CLEC16A: variants seen among roughly 807,000 people sequenced by gnomAD.
CLEC16A encodes the protein C-type lectin domain containing 16A.
A neutral mutation model predicts 109.5 loss-of-function variants in CLEC16A; 51 were observed. The ratio of observed to expected loss-of-function variants is 0.47; its 90% CI spans 0.37 to 0.59. The LOEUF is 0.59. Among genes scored for constraint, CLEC16A ranks in the 20% least tolerant of loss-of-function variants. CLEC16A has a pLI of 0.00. For missense variants in CLEC16A, 1,339 were observed against 1,394.0 expected (o/e 0.96, Z 0.63); for synonymous variants, 673 against 564.2 (o/e 1.19, Z -2.73).
At chr16:11,051,411 C>T in intron 17 of CLEC16A, 102 bp from the exon 18 acceptor site, 1 of 1,189,956 alleles carries the variant, frequency 8.4e-7, no homozygotes, top group Non-Finnish European at 1.2e-6. Flanking sequence ...TTTACATTTA[C>T]TAAATGCGGT....
In CLEC16A at chr16:10,979,364, T is replaced by G. The variant is rs764517359; in HGVS notation, c.939T>G (p.Ser313=). 2.5e-6 allele frequency: 4 copies of G among 1,613,182 alleles called. No homozygotes were observed. Among genetic ancestry groups the G allele is most frequent in the Non-Finnish European group, 3.4e-6 (4 of 1,179,658 alleles). ...GERPKISLPV[S]LYLLSQVFLI... ...GGCCGAAAATTAGCCTGCCGGTGTC[T>G]CTTTATCTTCTGTCACAGGTATGCT... The change falls in exon 9 of 24, where the codon TCT becomes TCG. Residue 313 remains serine (S), a synonymous_variant. Transcript: ENST00000409790.
intron 4 of CLEC16A, among the ~76,000 whole-genome samples, chr16:10,970,847 A>G (rs1291336576): frequency 1.3e-5 from 2 of 152,196 alleles, no homozygotes; most frequent in African/African-American, 2.4e-5. Context: ...CCTGGGCTCA[A>G]GCCAACCTCC....
intron 3 of CLEC16A, among the ~76,000 whole-genome samples, chr16:10,962,971 A>T (rs1433920645): frequency 6.6e-6 from 1 of 151,954 alleles, no homozygotes; most frequent in African/African-American, 2.4e-5. Context: ...AGGCAGGAAG[A>T]TTGTTTGTCA....
At chr16:11,082,290 C>G (rs1282210506) in intron 19 of CLEC16A, among the ~76,000 whole-genome samples, 1 of 152,212 alleles carries the variant, frequency 6.6e-6, no homozygotes, top group African/African-American at 2.4e-5. Context: ...TGGACAGTTT[C>G]TCACCCCTGC....
chr16:11,120,504 G>A, intron 19 of CLEC16A, 111 bp from the exon 20 acceptor site: 25 of 1,158,114 alleles, frequency 2.2e-5, no homozygotes, highest in Non-Finnish European at 2.9e-5. Flanking sequence ...TCTAGGCCTG[G>A]GCTCTAACCA....
chr16:10,990,059 T>G (rs1239665682), intron 10 of CLEC16A, among the ~76,000 whole-genome samples: 1 of 152,192 alleles, frequency 6.6e-6, no homozygotes, highest in Non-Finnish European at 1.5e-5. Flanking sequence ...TTCTTCTTCC[T>G]GAAAATGCTA....
At chr16:11,074,881 ATTG>A (rs2049263336) in intron 19 of CLEC16A, among the ~76,000 whole-genome samples, 1 of 152,148 alleles carries the variant, frequency 6.6e-6, no homozygotes, top group Non-Finnish European at 1.5e-5. Flanking sequence ...TATTAAAATT[ATTG>A]TTTTTAAGCC....
At chr16:10,994,436 C>T (rs1012890761) in intron 10 of CLEC16A, among the ~76,000 whole-genome samples, 52 of 152,214 alleles carry the variant, frequency 3.4e-4, no homozygotes, top group Admixed American at 3.3e-3. Context: ...AACAGGTTCA[C>T]TCTGCTGCAC....
At chr16:11,069,477 C>G (rs1226929056) in intron 19 of CLEC16A, among the ~76,000 whole-genome samples, 5 of 151,954 alleles carry the variant, frequency 3.3e-5, no homozygotes, top group Non-Finnish European at 7.4e-5. Flanking sequence ...CTCTGTCGTC[C>G]AAGCTGGAAT....
rs145752534 is a variant in CLEC16A, at chr16:11,081,043, C to T, written c.2116+20021C>T. Among the ~76,000 whole-genome samples, 139 of 152,322 alleles carry T rather than the reference C, an allele frequency of 9.1e-4. 2 individuals are homozygous for T. The highest frequency in any genetic ancestry group is 7.9e-3 in the South Asian group (38 of 4,824). ...GCTGGAAGGGTAGGCAGAGGCTCTGCGGGACACGCTGCAATTGAGGAAGCC... is the reference window on the plus strand; with the variant it reads ...GCTGGAAGGGTAGGCAGAGGCTCTGTGGGACACGCTGCAATTGAGGAAGCC... On this transcript the variant is annotated intron_variant, in intron 19 of 23. Coordinates refer to ENST00000409790, the MANE Select transcript of CLEC16A (RefSeq NM_015226.3).
chr16:11,164,506 C>T (rs960392032), intron 22 of CLEC16A, among the ~76,000 whole-genome samples: 1 of 152,172 alleles, frequency 6.6e-6, no homozygotes, highest in Admixed American at 6.5e-5. Flanking sequence ...CAGGGACTTG[C>T]CCAAGGTCCC....
chr16:11,122,337 C>A (rs899104463), intron 20 of CLEC16A, among the ~76,000 whole-genome samples: 1 of 152,202 alleles, frequency 6.6e-6, no homozygotes, highest in Non-Finnish European at 1.5e-5. Context: ...AAGACATTAT[C>A]CATTAAGTGA....
intron 19 of CLEC16A, among the ~76,000 whole-genome samples, chr16:11,115,556 A>G (rs1387508827): frequency 6.6e-6 from 1 of 152,188 alleles, no homozygotes; most frequent in African/African-American, 2.4e-5. Context: ...TACTTTTAGT[A>G]GAGGTGAGGT....
At chr16:11,005,276 C>G (rs750713650) in intron 11 of CLEC16A, among the ~76,000 whole-genome samples, 2 of 152,154 alleles carry the variant, frequency 1.3e-5, no homozygotes, top group Non-Finnish European at 2.9e-5. Context: ...TCAGCTTGAA[C>G]TGCTTGAATT....
At chr16:11,137,536 A>G (rs1378769361) in intron 22 of CLEC16A, among the ~76,000 whole-genome samples, 1 of 145,436 alleles carries the variant, frequency 6.9e-6, no homozygotes, top group African/African-American at 2.5e-5. Flanking sequence ...CGAGTGGATC[A>G]CCTGAGGTCA....
chr16:11,062,684 G>T (rs2048547385), intron 19 of CLEC16A, among the ~76,000 whole-genome samples: 1 of 152,082 alleles, frequency 6.6e-6, no homozygotes, highest in African/African-American at 2.4e-5. Flanking sequence ...TCTTTTTCTG[G>T]CCTTATTTAT....
At chr16:11,075,050 C>A (rs2049273048) in intron 19 of CLEC16A, among the ~76,000 whole-genome samples, 1 of 152,098 alleles carries the variant, frequency 6.6e-6, no homozygotes, top group East Asian at 1.9e-4. Context: ...ATGATTGCAC[C>A]ACTGCACTCC....
intron 11 of CLEC16A, among the ~76,000 whole-genome samples, chr16:11,012,377 T>C (rs963732051): frequency 2.6e-5 from 4 of 152,054 alleles, no homozygotes; most frequent in Non-Finnish European, 4.4e-5. Flanking sequence ...GGGCGGATCA[T>C]GAGGTCAGGA....
At position 11,118,005 on chromosome 16, in the gene CLEC16A, G is replaced by A. The variant is rs778229659; in HGVS notation, c.2117-2610G>A. On this transcript the variant is annotated intron_variant, in intron 19 of 23. Coordinates refer to ENST00000409790, the MANE Select transcript of CLEC16A (RefSeq NM_015226.3). ...TTTCTTTTTTTTTAGACAGGGTCTC[G>A]CTTTTGTCACCTAGGCTACAGTGCA... Among the ~76,000 whole-genome samples the A allele has an allele frequency of 4.6e-5, 7 of 151,860 alleles. No homozygotes were observed. In the South Asian group the frequency reaches 8.3e-4, roughly 18 times the overall value.
Sources: allele counts gnomAD v4.1 joint callset (sites outside exome capture counted in the v4.1 genomes callset), GRCh38; gene constraint gnomAD v4.1.1; transcripts MANE v1.5; gene names NCBI Gene and HGNC (gene_info 2026-07-23, HGNC 2026-07-21).